The following LZTS1 variants were observed in gnomAD, a reference collection of about 807,000 sequenced individuals.
LZTS1 encodes the protein leucine zipper tumor suppressor 1.
A neutral mutation model predicts 45.8 loss-of-function variants in LZTS1; 31 were observed. The ratio of observed to expected loss-of-function variants is 0.68; its 90% CI spans 0.51 to 0.91. The LOEUF (loss-of-function observed/expected upper bound fraction) is 0.91. Among genes scored for constraint, LZTS1 ranks in the 40% least tolerant of loss-of-function variants. The probability of loss-of-function intolerance (pLI) is 0.00; values close to 1 mark genes in which losing one functional copy is unlikely to be tolerated. For synonymous variants in LZTS1, 359 were observed against 357.3 expected (o/e 1.00, Z -0.05); for missense variants, 821 against 788.9 (o/e 1.04, Z -0.49).
intron 1 of LZTS1, among the ~76,000 whole-genome samples, chr8:20,270,071 G>C (rs564534695): frequency 1.6e-4 from 24 of 152,348 alleles, no homozygotes; most frequent in Non-Finnish European, 3.2e-4. Context: ...AGGCGTCCCA[G>C]GCAGTCAAAT....
chr8:20,286,162 A>T (rs993259836), intron 1 of LZTS1, among the ~76,000 whole-genome samples: 4 of 152,184 alleles, frequency 2.6e-5, no homozygotes, highest in Non-Finnish European at 5.9e-5. Flanking sequence ...TAAATTAAGA[A>T]TTTTTCTTCA....
rs772981547 is a variant in LZTS1, at chr8:20,252,883, C to T, written c.1048G>A (p.Glu350Lys). Reference protein sequence around the residue: ...QEKRQLRQELESLMKEQDLLE... With the variant: ...QEKRQLRQELKSLMKEQDLLE... ...AGGTCCTGCTCCTTCATGAGGCTCT[C>T]GAGCTCCTGCCGGAGCTGCCGCTTC... Residue 350 changes from glutamate (E) to lysine (K), a missense_variant, in exon 3 of 4, where the codon GAG (glutamate) becomes AAG (lysine). Coordinates refer to ENST00000381569, the MANE Select transcript of LZTS1 (RefSeq NM_021020.5). The T allele has an allele frequency of 2.5e-6, 4 of 1,610,852 alleles. No individual in the cohort carries two copies. Among genetic ancestry groups the T allele is most frequent in the East Asian group, 2.2e-5 (1 of 44,836 alleles).
At chr8:20,263,414 A>G (rs1156512435) in intron 1 of LZTS1, among the ~76,000 whole-genome samples, 2 of 151,816 alleles carry the variant, frequency 1.3e-5, no homozygotes, top group Non-Finnish European at 2.9e-5. Context: ...CCCTCCTCCA[A>G]CATTTTGGCT....
chr8:20,265,546 C>T (rs1332423976), intron 1 of LZTS1, among the ~76,000 whole-genome samples: 1 of 151,790 alleles, frequency 6.6e-6, no homozygotes, highest in Middle Eastern at 3.2e-3. Context: ...GGCACAGTGC[C>T]ACAATGCCTA....
At position 20,248,852 on chromosome 8, in the gene LZTS1, G is replaced by A. The variant is rs1481917917; in HGVS notation, c.*870C>T. On this transcript the variant is annotated 3_prime_UTR_variant, in exon 4 of 4. Coordinates refer to ENST00000381569, the MANE Select transcript of LZTS1 (RefSeq NM_021020.5). ...CTCTGGCCCCAGCTGGACAGATGGGGAGGCTCCCTGAGGGTGCCTGGAAAG... is the reference window on the plus strand; with the variant it reads ...CTCTGGCCCCAGCTGGACAGATGGGAAGGCTCCCTGAGGGTGCCTGGAAAG... The A allele has an allele frequency of 6.6e-6, 1 of 152,512 alleles. No individual in the cohort carries two copies. Among genetic ancestry groups the A allele is most frequent in the Non-Finnish European group, 1.5e-5 (1 of 68,034 alleles). 9.4% of individuals were successfully genotyped at this position (152,512 alleles called of 1,614,324 possible).
chr8:20,288,039 C>T (rs562921514), intron 1 of LZTS1, among the ~76,000 whole-genome samples: 3 of 152,230 alleles, frequency 2.0e-5, no homozygotes, highest in Non-Finnish European at 2.9e-5. Flanking sequence ...TGTGGGTCTG[C>T]CCAGCCCCCA....
intron 1 of LZTS1, among the ~76,000 whole-genome samples, chr8:20,274,206 C>T (rs991421206): frequency 2.0e-5 from 3 of 152,194 alleles, no homozygotes; most frequent in African/African-American, 7.2e-5. Flanking sequence ...ACACTGTACT[C>T]CCAGCTTCGA....
chr8:20,282,887 T>A (rs1030422696), intron 1 of LZTS1, among the ~76,000 whole-genome samples: 4 of 152,230 alleles, frequency 2.6e-5, no homozygotes, highest in African/African-American at 9.6e-5. Context: ...TGTCTGATGA[T>A]GTCTAGCATA....
intron 1 of LZTS1, among the ~76,000 whole-genome samples, chr8:20,290,918 A>C (rs1314514394): frequency 4.6e-5 from 7 of 152,166 alleles, no homozygotes; most frequent in Non-Finnish European, 1.0e-4. Flanking sequence ...TGTCCCATGC[A>C]CGGGCTTGAG....
intron 1 of LZTS1, among the ~76,000 whole-genome samples, chr8:20,258,647 C>T (rs972253618): frequency 9.2e-5 from 14 of 152,154 alleles, no homozygotes; most frequent in African/African-American, 3.4e-4. Flanking sequence ...CTCATAGGAT[C>T]GTTATGAGAA....
intron 1 of LZTS1, among the ~76,000 whole-genome samples, chr8:20,270,984 G>A (rs752473172): frequency 2.0e-5 from 3 of 152,046 alleles, no homozygotes; most frequent in Non-Finnish European, 1.5e-5. Flanking sequence ...ATGACCTGGC[G>A]TGGCACGAAG....
In LZTS1 at chr8:20,249,334, A is replaced by G; in HGVS notation, c.*388T>C. ...ATTTCCAAGGCATTCCAATGTGTCCAGGAGGAAAAAGAGGTTGGGATGAGA... is the reference window on the plus strand; with the variant it reads ...ATTTCCAAGGCATTCCAATGTGTCCGGGAGGAAAAAGAGGTTGGGATGAGA... On this transcript the variant is annotated 3_prime_UTR_variant, in exon 4 of 4. Transcript: ENST00000381569. 4.9e-6 allele frequency: 1 copy of G among 204,976 alleles called. No individual in the cohort carries two copies. Among genetic ancestry groups the G allele is most frequent in the South Asian group, 1.1e-4 (1 of 9,028 alleles). The allele number at this position is 204,976 out of a possible 1,614,324, so 12.7% of individuals were successfully genotyped here. A position where few individuals can be genotyped will look rare whatever the true frequency, so the allele number is the denominator to read the frequency against.
chr8:20,294,571 C>A (rs1027568567), intron 1 of LZTS1, among the ~76,000 whole-genome samples: 2 of 152,208 alleles, frequency 1.3e-5, no homozygotes, highest in Middle Eastern at 6.8e-3. Flanking sequence ...GCCACGGAGG[C>A]GTTGGGGCTG....
chr8:20,289,298 T>C (rs957407537), intron 1 of LZTS1: 2 of 152,166 alleles, frequency 1.3e-5, no homozygotes, highest in African/African-American at 4.8e-5. Flanking sequence ...GAGGCATCCT[T>C]CTATCATTGG....
At chr8:20,278,097 G>A (rs557807916) in intron 1 of LZTS1, among the ~76,000 whole-genome samples, 2 of 152,178 alleles carry the variant, frequency 1.3e-5, no homozygotes, top group Non-Finnish European at 2.9e-5. Flanking sequence ...GGTTGTTACA[G>A]TGTGTCGCTG....
intron 1 of LZTS1, among the ~76,000 whole-genome samples, chr8:20,286,106 T>C (rs1239047222): frequency 1.3e-5 from 2 of 152,332 alleles, no homozygotes; most frequent in East Asian, 3.9e-4. Flanking sequence ...CAAAAATTTC[T>C]TGGCCAGGTC....
intron 1 of LZTS1, among the ~76,000 whole-genome samples, chr8:20,262,523 G>A (rs1051391684): frequency 2.6e-5 from 4 of 152,144 alleles, no homozygotes; most frequent in African/African-American, 9.7e-5. Context: ...GGCCAGGAAA[G>A]CTTCTGAGAA....
At chr8:20,275,119 T>G (rs1443494854) in intron 1 of LZTS1, among the ~76,000 whole-genome samples, 1 of 152,050 alleles carries the variant, frequency 6.6e-6, no homozygotes, top group Non-Finnish European at 1.5e-5. Context: ...GAAAGAATTA[T>G]GGTTGGGCGC....
intron 1 of LZTS1, among the ~76,000 whole-genome samples, chr8:20,294,196 G>A (rs561934307): frequency 1.2e-3 from 189 of 152,288 alleles, no homozygotes; most frequent in Non-Finnish European, 1.9e-3. Flanking sequence ...TCCTGTCTGC[G>A]GCTCTAGAAT....
Sources: gnomAD v4.1 joint callset for allele counts (sites outside exome capture counted in the v4.1 genomes callset) on GRCh38, gnomAD v4.1.1 for gene constraint, MANE v1.5 for transcripts, NCBI Gene and HGNC (gene_info 2026-07-23, HGNC 2026-07-21) for gene names.